Variants in DCDC2 observed in about 807,000 individuals in gnomAD.
DCDC2 encodes the protein doublecortin domain containing 2.
A neutral mutation model predicts 50.2 loss-of-function variants in DCDC2; 40 were observed. The ratio of observed to expected loss-of-function variants is 0.80; its 90% CI spans 0.62 to 1.04. The LOEUF (loss-of-function observed/expected upper bound fraction) is 1.04, where lower values mean the gene tolerates loss of function less well. Ranked by LOEUF, DCDC2 falls within the 50% of genes least tolerant of loss-of-function variation. DCDC2 has a pLI of 0.00. For missense variants in DCDC2, 570 were observed against 581.9 expected (o/e 0.98, Z 0.21); for synonymous variants, 234 against 210.6 (o/e 1.11, Z -0.96).
intron 7 of DCDC2, among the ~76,000 whole-genome samples, chr6:24,256,652 T>C (rs1258569004): frequency 6.6e-6 from 1 of 152,184 alleles, no homozygotes. Flanking sequence ...ATTGTCCCTT[T>C]ATAAAAACGT....
intron 7 of DCDC2, among the ~76,000 whole-genome samples, chr6:24,229,391 G>A (rs1044695239): frequency 2.0e-5 from 3 of 152,066 alleles, no homozygotes; most frequent in Non-Finnish European, 4.4e-5. Context: ...CACATTTAAA[G>A]GACCTTATGA....
At chr6:24,191,302 T>C (rs1186587223) in intron 8 of DCDC2, among the ~76,000 whole-genome samples, 1 of 152,056 alleles carries the variant, frequency 6.6e-6, no homozygotes, top group African/African-American at 2.4e-5. Context: ...TAGTTGGGGG[T>C]AGAGTCAATG....
At position 24,172,667 on chromosome 6, in the gene DCDC2, A is replaced by G. The variant is rs1760807616; in HGVS notation, c.*2063T>C. 6.6e-6 allele frequency: 1 copy of G among 152,170 alleles called. No individual in the cohort carries two copies. The highest frequency in any genetic ancestry group is 1.5e-5 in the Non-Finnish European group (1 of 68,040). The allele number at this position is 152,170 out of a possible 1,614,324, so 9.4% of individuals were successfully genotyped here. On this transcript the variant is annotated 3_prime_UTR_variant, in exon 10 of 10. Transcript: ENST00000378454. ...GAAACTATTTGAAATCATTAACTCCAGACCCAGTAATAGTGCACAAATTTA... is the reference window on the plus strand; with the variant it reads ...GAAACTATTTGAAATCATTAACTCCGGACCCAGTAATAGTGCACAAATTTA...
chr6:24,348,118 G>A (rs1050743003), intron 2 of DCDC2, among the ~76,000 whole-genome samples: 21 of 152,204 alleles, frequency 1.4e-4, no homozygotes, highest in African/African-American at 4.8e-4. Context: ...AATCAGATGT[G>A]TGGACTTGGT....
chr6:24,187,523 G>T (rs573539158), intron 8 of DCDC2, among the ~76,000 whole-genome samples: 4 of 151,846 alleles, frequency 2.6e-5, no homozygotes, highest in Admixed American at 6.6e-5. Context: ...CTATTTATGT[G>T]CAAAAAAAAT....
At chr6:24,316,757 T>C (rs1286194954) in intron 2 of DCDC2, among the ~76,000 whole-genome samples, 1 of 152,100 alleles carries the variant, frequency 6.6e-6, no homozygotes. Flanking sequence ...AAAAGCTATA[T>C]ACTTAAAGAT....
chr6:24,369,437 C>A, the DCDC2 span, among the ~76,000 whole-genome samples: 1 of 151,878 alleles, frequency 6.6e-6, no homozygotes, highest in East Asian at 1.9e-4. Context: ...GGTGATACCC[C>A]GTCTTTACTA....
intron 4 of DCDC2, among the ~76,000 whole-genome samples, chr6:24,297,475 AAAAAG>A (rs1280241504): frequency 6.6e-6 from 1 of 152,232 alleles, no homozygotes; most frequent in Non-Finnish European, 1.5e-5. Flanking sequence ...AAGTTTAAAA[AAAAAG>A]AAGTTTCTCT....
At chr6:24,235,264 T>A (rs920082900) in intron 7 of DCDC2, among the ~76,000 whole-genome samples, 2 of 152,218 alleles carry the variant, frequency 1.3e-5, no homozygotes, top group African/African-American at 4.8e-5. Context: ...AGATAAGACA[T>A]GGACAGATGG....
intron 4 of DCDC2, among the ~76,000 whole-genome samples, chr6:24,296,486 T>C (rs1441344369): frequency 6.6e-6 from 1 of 151,764 alleles, no homozygotes; most frequent in Non-Finnish European, 1.5e-5. Context: ...TTGGGAAACT[T>C]AAGAGCTTCT....
intron 7 of DCDC2, among the ~76,000 whole-genome samples, chr6:24,214,486 A>AT (rs11417587): frequency 0.99 from 150,889 of 152,308 alleles, 74,758 homozygotes; most frequent in East Asian, 1. Flanking sequence ...AATATGTATA[A>AT]TAATGCTTAT....
chr6:24,277,983 G>T, intron 7 of DCDC2, 66 bp downstream of exon 7: 1 of 1,320,636 alleles, frequency 7.6e-7, no homozygotes, highest in Non-Finnish European at 1.0e-6. Context: ...TGGGCCCAGA[G>T]AAACAATGGA....
At chr6:24,232,414 T>C (rs1703299283) in intron 7 of DCDC2, among the ~76,000 whole-genome samples, 1 of 152,220 alleles carries the variant, frequency 6.6e-6, no homozygotes, top group South Asian at 2.1e-4. Flanking sequence ...GTTCGCAAAG[T>C]CAACTCAATC....
At chr6:24,310,059 T>C (rs1210271757) in intron 2 of DCDC2, among the ~76,000 whole-genome samples, 1 of 152,174 alleles carries the variant, frequency 6.6e-6, no homozygotes, top group African/African-American at 2.4e-5. Context: ...ATCAAGTAAA[T>C]TCAGATGTTT....
At chr6:24,234,902 A>G (rs938038602) in intron 7 of DCDC2, among the ~76,000 whole-genome samples, 1 of 152,224 alleles carries the variant, frequency 6.6e-6, no homozygotes, top group Non-Finnish European at 1.5e-5. Context: ...CACACTTGCC[A>G]AACACCCAGA....
chr6:24,342,182 T>C (rs1171135319), intron 2 of DCDC2, among the ~76,000 whole-genome samples: 2 of 152,222 alleles, frequency 1.3e-5, no homozygotes, highest in African/African-American at 2.4e-5. Flanking sequence ...AACATCTCTT[T>C]AGGTGGTTGC....
the DCDC2 span, among the ~76,000 whole-genome samples, chr6:24,381,405 G>A: frequency 1.2e-4 from 19 of 152,198 alleles, no homozygotes; most frequent in Non-Finnish European, 2.8e-4. Flanking sequence ...TCCCTCATAT[G>A]TAGAATCTTT....
At position 24,253,687 on chromosome 6, in the gene DCDC2, TA is replaced by T. The variant is rs373891663; in HGVS notation, c.922+24361del. Among the ~76,000 whole-genome samples the T allele has an allele frequency of 7.1e-3, 1,074 of 150,922 alleles. 5 individuals are homozygous for T. Among genetic ancestry groups the T allele is most frequent in the South Asian group, 0.012 (59 of 4,780 alleles). On this transcript the variant is annotated intron_variant, in intron 7 of 9. Coordinates refer to ENST00000378454, the MANE Select transcript of DCDC2 (RefSeq NM_016356.5). ...GCTTCTAAACATAGAAAAAGTACAGTAAAAAAAAATGGTATAAAAGATTTAA... is the reference window on the plus strand; with the variant it reads ...GCTTCTAAACATAGAAAAAGTACAGTAAAAAAAATGGTATAAAAGATTTAA...
intron 6 of DCDC2, among the ~76,000 whole-genome samples, chr6:24,282,943 C>T (rs1036562080): frequency 6.6e-6 from 1 of 152,156 alleles, no homozygotes; most frequent in African/African-American, 2.4e-5. Flanking sequence ...ACTTGCTTCA[C>T]AGTGACATTG....
Sources: gnomAD v4.1 joint callset for allele counts (sites outside exome capture counted in the v4.1 genomes callset) on GRCh38, gnomAD v4.1.1 for gene constraint, MANE v1.5 for transcripts, NCBI Gene and HGNC (gene_info 2026-07-23, HGNC 2026-07-21) for gene names.